TP53AIP1: variants seen among roughly 807,000 people sequenced by gnomAD.
TP53AIP1 encodes p53-regulated apoptosis-inducing protein 1.
In TP53AIP1, 14 loss-of-function variants were observed where a neutral mutation model predicts 9.5. The observed-to-expected ratio is 1.47, with a 90% CI of 0.97 to 2.30. The LOEUF (loss-of-function observed/expected upper bound fraction) is 2.30. Ranked by LOEUF, TP53AIP1 falls within the 30% of genes most tolerant of loss-of-function variation. The pLI, the probability that TP53AIP1 is intolerant of heterozygous loss-of-function variation, is 0.00. For synonymous variants in TP53AIP1, 73 were observed against 61.2 expected, an observed-to-expected ratio of 1.19 and a Z score of -0.90; for missense variants, 153 against 146.7, an observed-to-expected ratio of 1.04 and a Z score of -0.22.
chr11:128,937,453 G>A lies in TP53AIP1; in HGVS notation c.141+225C>T. On this transcript the variant is annotated intron_variant, in intron 2 of 3. Transcript: ENST00000531399. This position sits in a 1 kb window ranked among gnomAD's most constrained non-coding sequence, Gnocchi z 4.8. Reference sequence around the variant, plus strand: ...AGAAACCCAGGATTCCGAGGAGGAGGAGGGCTGGCCTTCCTCTTGGGACTA... The same window carrying A: ...AGAAACCCAGGATTCCGAGGAGGAGAAGGGCTGGCCTTCCTCTTGGGACTA... 6.6e-7 allele frequency: 1 copy of A among 1,505,098 alleles called. No homozygotes were observed. Among genetic ancestry groups the A allele is most frequent in the Non-Finnish European group, 8.9e-7 (1 of 1,126,824 alleles). The allele number at this position is 1,505,098 out of a possible 1,614,324, so 93.2% of individuals were successfully genotyped here.
rs1329554677 is a variant in TP53AIP1 at position 128,939,017 on chromosome 11, C to T, written c.-76-1123G>A. Among the ~76,000 whole-genome samples, 2 of 152,154 alleles carry T rather than the reference C, an allele frequency of 1.3e-5. No individual in the cohort carries two copies. Among genetic ancestry groups the T allele is most frequent in the African/African-American group, 2.4e-5 (1 of 41,430 alleles). On this transcript the variant is annotated intron_variant, in intron 1 of 3. Coordinates refer to ENST00000531399, the MANE Select transcript of TP53AIP1 (RefSeq NM_022112.3). The surrounding 1 kb of genome is among the most constrained non-coding windows in gnomAD (Gnocchi z 4.1). ...ACATGCTGGCCATGTGCGGTGACCA[C>T]GCTAAGTACTGTGCGTGTACCATTT...
At chr11:128,941,711 G>A (rs760241156) in intron 1 of TP53AIP1, among the ~76,000 whole-genome samples, 1 of 152,210 alleles carries the variant, frequency 6.6e-6, no homozygotes, top group African/African-American at 2.4e-5. Context: ...CCAGGTTCCT[G>A]GCCTGCTGCT....
Position 128,936,624 on chromosome 11 carries a change from G to C in TP53AIP1, c.167C>G (p.Ala56Gly). 3 of 1,587,462 alleles carry C rather than the reference G, an allele frequency of 1.9e-6. No individual in the cohort carries two copies. The highest frequency in any genetic ancestry group is 2.6e-6 in the Non-Finnish European group (3 of 1,174,822). ...TCCCCGGCACCCTCCGTGAACTTGGGCACCCAAAACTAAGGGATCTGAAAC... is the reference window on the plus strand; with the variant it reads ...TCCCCGGCACCCTCCGTGAACTTGGCCACCCAAAACTAAGGGATCTGAAAC... ...GWVSDPLVLG[A>G]QVHGGCRGIE... Residue 56 changes from alanine to glycine, a missense_variant, in exon 3 of 4, where the codon GCC becomes GGC. By Grantham distance (60) the Ala-to-Gly change is moderately conservative. Transcript: ENST00000531399.
At position 128,935,457 on chromosome 11, in the gene TP53AIP1, G is replaced by A. The variant is rs539043559; in HGVS notation, c.*134C>T. 41 of 1,433,072 alleles carry A rather than the reference G, an allele frequency of 2.9e-5. No homozygotes were observed. The highest frequency in any genetic ancestry group is 3.6e-5 in the Non-Finnish European group (40 of 1,098,836). 88.8% of individuals were successfully genotyped at this position (1,433,072 alleles called of 1,614,324 possible). On this transcript the variant is annotated 3_prime_UTR_variant, in exon 4 of 4. Transcript: ENST00000531399. The stretch of plus-strand genomic sequence containing the variant: ...CCACCCAACTGGCCCAGTGGTCAAG[G>A]GGGGAAATGAGGTGGCCGCTAGTCA...
At position 128,937,277 on chromosome 11, in the gene TP53AIP1, G is replaced by A. The variant is rs771224143; in HGVS notation, c.141+401C>T. The A allele has an allele frequency of 9.5e-5, 126 of 1,325,894 alleles. No homozygotes were observed. The highest frequency in any genetic ancestry group is 1.2e-4 in the Non-Finnish European group (122 of 1,041,280). 82.1% of individuals were successfully genotyped at this position (1,325,894 alleles called of 1,614,324 possible). A position where few individuals can be genotyped will look rare whatever the true frequency, so the allele number is the denominator to read the frequency against. On this transcript the variant is annotated intron_variant, in intron 2 of 3. Transcript: ENST00000531399. The surrounding 1 kb of genome is among the most constrained non-coding windows in gnomAD (Gnocchi z 4.8). ...GATCCGGGGTGGACGCAGAAGAGCA[G>A]GCCCGGAGCCCTGCACCCCAGCCTT... is the stretch of plus-strand genomic sequence containing the variant.
At chr11:128,940,967 G>A (rs1338086518) in intron 1 of TP53AIP1, among the ~76,000 whole-genome samples, 2 of 152,176 alleles carry the variant, frequency 1.3e-5, no homozygotes, top group Non-Finnish European at 2.9e-5. Flanking sequence ...GAGATCCCCC[G>A]ACTTTGGAGT....
rs1310220155 is a variant in TP53AIP1, at chr11:128,942,175, C to A, written c.-77+619G>T. Among the ~76,000 whole-genome samples, 3 of 152,342 alleles carry A rather than the reference C, an allele frequency of 2.0e-5. No homozygotes were observed. The East Asian group carries it at 5.8e-4, about 29-fold the overall frequency. ...TAGCTGGGGCAGAACTAGGGAACTG[C>A]TGAAAGGAGGCTGGTGAACCCTGCC... On this transcript the variant is annotated intron_variant, in intron 1 of 3. Coordinates refer to ENST00000531399, the MANE Select transcript of TP53AIP1 (RefSeq NM_022112.3).
chr11:128,935,656 T>A lies in TP53AIP1; in HGVS notation c.310A>T (p.Arg104Trp). ...AGCTCAAATGCTGACCCCAGTGGCC[T>A]GTCTCTAAGCACTGTGGCTCCAGGA... ...FLPGATVLRD[R>W]PLGSAFELSY... The change falls in exon 4 of 4, where the codon AGG (arginine) becomes TGG (tryptophan). Residue 104 changes from arginine to tryptophan, a missense_variant. By Grantham distance (101) the Arg-to-Trp change is moderately radical. Coordinates refer to ENST00000531399, the MANE Select transcript of TP53AIP1 (RefSeq NM_022112.3). 1 of 1,588,934 alleles carries A rather than the reference T, an allele frequency of 6.3e-7. No homozygotes were observed.
At position 128,937,172 on chromosome 11, in the gene TP53AIP1, G is replaced by A. The variant is rs536393390; in HGVS notation, c.141+506C>T. On this transcript the variant is annotated intron_variant, in intron 2 of 3. Coordinates refer to ENST00000531399, the MANE Select transcript of TP53AIP1 (RefSeq NM_022112.3). The surrounding 1 kb of genome is among the most constrained non-coding windows in gnomAD (Gnocchi z 4.8). ...TCAGAGCCCACAAGCTTCCGAGTGC[G>A]TCATCTTCATTATTGGCCACAGGAA... 2,570 of 1,114,574 alleles carry A rather than the reference G, an allele frequency of 2.3e-3. 8 individuals carry two copies. The highest frequency in any genetic ancestry group is 2.6e-3 in the Non-Finnish European group (2,394 of 911,686). 69.0% of individuals were successfully genotyped at this position (1,114,574 alleles called of 1,614,324 possible).
In TP53AIP1 at chr11:128,936,576, G is replaced by A. The variant is rs200696070; in HGVS notation, c.215C>T (p.Ser72Phe). ...GACAGTTGCTGAGGACCAAGATCCA[G>A]ACGAGACTGACAGAGCTTCTATTCC... ...CRGIEALSVS[S>F]GSWSSATVWI... The change falls in exon 3 of 4, where the codon TCT (serine) becomes TTT (phenylalanine). Residue 72 changes from serine (S) to phenylalanine (F), a missense_variant. Ser to Phe is a radical substitution (Grantham distance 155). Coordinates refer to ENST00000531399, the MANE Select transcript of TP53AIP1 (RefSeq NM_022112.3). 5.9e-5 allele frequency: 93 copies of A among 1,586,232 alleles called. No individual in the cohort carries two copies. Among genetic ancestry groups the A allele is most frequent in the Non-Finnish European group, 6.3e-5 (74 of 1,174,298 alleles).
At chr11:128,936,966 G>A in intron 2 of TP53AIP1, 1 of 1,130,748 alleles carries the variant, frequency 8.8e-7, no homozygotes, top group South Asian at 2.8e-5. Context: ...AGCACACCTG[G>A]GCCCTGCACC....
intron 1 of TP53AIP1, 61 bp downstream of exon 1, chr11:128,942,733 C>G (rs1470867930): frequency 6.6e-6 from 1 of 152,396 alleles, no homozygotes; most frequent in Admixed American, 6.5e-5. Context: ...CAGAGTGAAT[C>G]GCAGTGGCCA....
chr11:128,936,798 T>C (rs957156930), intron 2 of TP53AIP1, 149 bp from the exon 3 acceptor site: 7 of 1,431,640 alleles, frequency 4.9e-6, no homozygotes, highest in South Asian at 1.5e-5. Context: ...CAGGTTCCCA[T>C]GGAAACCAAA....
intron 1 of TP53AIP1, among the ~76,000 whole-genome samples, chr11:128,938,782 C>T (rs1206965247): frequency 6.6e-6 from 1 of 152,184 alleles, no homozygotes; most frequent in African/African-American, 2.4e-5. Flanking sequence ...GCATCACCCA[C>T]AGAATGGAGG....
chr11:128,942,207 T>C (rs1295933199), intron 1 of TP53AIP1, among the ~76,000 whole-genome samples: 1 of 152,164 alleles, frequency 6.6e-6, no homozygotes, highest in Non-Finnish European at 1.5e-5. Context: ...TGCCATGACA[T>C]GCCCGCTGTG....
At chr11:128,935,954 T>C in intron 3 of TP53AIP1, 5 of 1,202,922 alleles carry the variant, frequency 4.2e-6, no homozygotes, top group African/African-American at 1.6e-5. Flanking sequence ...AATATGCTAA[T>C]GATAACAGTA....
At chr11:128,940,122 C>T (rs973124698) in intron 1 of TP53AIP1, among the ~76,000 whole-genome samples, 1 of 152,222 alleles carries the variant, frequency 6.6e-6, no homozygotes, top group Non-Finnish European at 1.5e-5. Flanking sequence ...AGGGAACCAA[C>T]TTGCCCTCCC....
At chr11:128,941,001 G>C (rs561875228) in intron 1 of TP53AIP1, among the ~76,000 whole-genome samples, 1 of 147,264 alleles carries the variant, frequency 6.8e-6, no homozygotes, top group East Asian at 2.0e-4. Context: ...TGAGACTCCT[G>C]AAGTGAGAGG....
At position 128,937,357 on chromosome 11, in the gene TP53AIP1, A is replaced by T. The variant is rs1291949344; in HGVS notation, c.141+321T>A. 1 of 1,421,236 alleles carries T rather than the reference A, an allele frequency of 7.0e-7. No individual in the cohort carries two copies. Among genetic ancestry groups the T allele is most frequent in the Non-Finnish European group, 9.2e-7 (1 of 1,091,708 alleles). The allele number at this position is 1,421,236 out of a possible 1,614,324, so 88.0% of individuals were successfully genotyped here. A position where few individuals can be genotyped will look rare whatever the true frequency, so the allele number is the denominator to read the frequency against. ...TGTTCAGCCTCTCCATTTAGCTCTC[A>T]CTTTCTGGATGCAGCCAGGCACCAC... is the stretch of plus-strand genomic sequence containing the variant. On this transcript the variant is annotated intron_variant, in intron 2 of 3. Coordinates refer to ENST00000531399, the MANE Select transcript of TP53AIP1 (RefSeq NM_022112.3). This position sits in a 1 kb window ranked among gnomAD's most constrained non-coding sequence, Gnocchi z 4.8.
Sources: allele counts gnomAD v4.1 joint callset (sites outside exome capture counted in the v4.1 genomes callset), GRCh38; gene constraint gnomAD v4.1.1; non-coding constraint Gnocchi (gnomAD v3.1); transcripts MANE v1.5; gene names NCBI Gene and HGNC (gene_info 2026-07-23, HGNC 2026-07-21).